LPIN1: variants seen among roughly 807,000 people sequenced by gnomAD.
LPIN1 encodes the protein phosphatidate phosphatase LPIN1.
Under a neutral mutation model 107.5 loss-of-function variants are expected in LPIN1, and 71 were observed. The observed-to-expected ratio is 0.66, with a 90% confidence interval of 0.55 to 0.80. The LOEUF (loss-of-function observed/expected upper bound fraction) is 0.80. Ranked by LOEUF, LPIN1 falls within the 30% of genes least tolerant of loss-of-function variation. LPIN1 has a pLI of 0.00. For missense variants in LPIN1, 1,043 were observed against 1,160.6 expected, an observed-to-expected ratio of 0.90 and a Z score of 1.47; for synonymous variants, 445 against 452.6, an observed-to-expected ratio of 0.98 and a Z score of 0.21.
chr2:11,797,317 C>T (rs568136348), intron 14 of LPIN1, among the ~76,000 whole-genome samples: 7 of 152,216 alleles, frequency 4.6e-5, no homozygotes, highest in Non-Finnish European at 1.0e-4. Flanking sequence ...CGGTAGACCC[C>T]GTCTCACTGG....
intron 17 of LPIN1, among the ~76,000 whole-genome samples, chr2:11,814,528 G>A (rs1323703571): frequency 6.6e-6 from 1 of 151,800 alleles, no homozygotes; most frequent in African/African-American, 2.4e-5. Flanking sequence ...GTGTGTGTGT[G>A]TGTGTGTGTG....
At chr2:11,784,574 C>T in intron 9 of LPIN1, 1 of 515,588 alleles carries the variant, frequency 1.9e-6, no homozygotes, top group Non-Finnish European at 3.3e-6. Flanking sequence ...CCCTCAGTCC[C>T]CCTGCGATCT....
chr2:11,736,991 A>T (rs1378253837), intron 1 of LPIN1, among the ~76,000 whole-genome samples: 2 of 152,238 alleles, frequency 1.3e-5, no homozygotes, highest in Non-Finnish European at 2.9e-5. Context: ...AGATGTGCTG[A>T]TCTGAAGTGT....
chr2:11,794,053 G>A (rs1055706460), intron 13 of LPIN1, among the ~76,000 whole-genome samples: 3 of 152,190 alleles, frequency 2.0e-5, no homozygotes, highest in Non-Finnish European at 4.4e-5. Context: ...AAGGGAAAAT[G>A]TTTGCTGGAA....
chr2:11,709,249 G>C (rs1245832256), intron 1 of LPIN1, among the ~76,000 whole-genome samples: 1 of 152,162 alleles, frequency 6.6e-6, no homozygotes, highest in Admixed American at 6.5e-5. Flanking sequence ...CCAAAGAAAG[G>C]GGGTATCATT....
At chr2:11,808,351 T>C (rs1336827926) in intron 17 of LPIN1, among the ~76,000 whole-genome samples, 1 of 152,172 alleles carries the variant, frequency 6.6e-6, no homozygotes, top group Admixed American at 6.5e-5. Flanking sequence ...CTGGGAGACC[T>C]GTCAGGCTAA....
At chr2:11,755,723 CTT>C (rs1297191152) in intron 1 of LPIN1, among the ~76,000 whole-genome samples, 30 of 138,182 alleles carry the variant, frequency 2.2e-4, no homozygotes, top group Admixed American at 3.6e-4. Flanking sequence ...ACACTTAGTT[CTT>C]TTTTTTTTTT....
At chr2:11,809,561 C>T (rs1241248295) in intron 17 of LPIN1, among the ~76,000 whole-genome samples, 1 of 152,212 alleles carries the variant, frequency 6.6e-6, no homozygotes, top group Non-Finnish European at 1.5e-5. Context: ...GGATTACAGG[C>T]ATGTGCCACC....
intron 2 of LPIN1, 62 bp from the exon 3 acceptor site, chr2:11,767,701 C>A: frequency 9.5e-7 from 1 of 1,048,710 alleles, no homozygotes; most frequent in African/African-American, 1.6e-5. Flanking sequence ...TGGCCGTCCC[C>A]ATGAGGTCTC....
intron 1 of LPIN1, among the ~76,000 whole-genome samples, chr2:11,758,097 A>T (rs1051630123): frequency 6.6e-6 from 1 of 152,164 alleles, no homozygotes; most frequent in Admixed American, 6.5e-5. Context: ...CATGTATCAG[A>T]ATTTCCTTTC....
intron 2 of LPIN1, among the ~76,000 whole-genome samples, chr2:11,718,689 T>C (rs1194749827): frequency 6.6e-6 from 1 of 152,248 alleles, no homozygotes; most frequent in Non-Finnish European, 1.5e-5. Flanking sequence ...TTGGTTTCTT[T>C]GTAGGTGAGC....
At chr2:11,683,172 G>A (rs1366250849) in intron 1 of LPIN1, 1 of 152,218 alleles carries the variant, frequency 6.6e-6, no homozygotes, top group African/African-American at 2.4e-5. Flanking sequence ...ACATAACTCT[G>A]CAAACTGTGG....
chr2:11,755,928 A>T (rs982867197), intron 1 of LPIN1, among the ~76,000 whole-genome samples: 1 of 152,056 alleles, frequency 6.6e-6, no homozygotes, highest in Non-Finnish European at 1.5e-5. Flanking sequence ...TCACCGTGTT[A>T]GCCAGGATGA....
chr2:11,826,354 C>G lies in LPIN1; in HGVS notation c.*1563C>G, dbSNP rs1296445040. ...TGTGGACACACAAAGGCAAACAGAT[C>G]TGCCATCGATCGCAGATTTCTGTAG... On this transcript the variant is annotated 3_prime_UTR_variant, in exon 21 of 21. Transcript: ENST00000674199. The G allele has an allele frequency of 6.6e-6, 1 of 152,538 alleles. No individual in the cohort carries two copies. Among genetic ancestry groups the G allele is most frequent in the East Asian group, 1.9e-4 (1 of 5,188 alleles). The allele number at this position is 152,538 out of a possible 1,614,324, so 9.4% of individuals were successfully genotyped here.
upstream of LPIN1, chr2:11,724,279 G>A (rs1409456535): frequency 8.7e-6 from 8 of 915,160 alleles, no homozygotes; most frequent in African/African-American, 9.0e-5. Flanking sequence ...CATAGTCCCC[G>A]TGGGGGGCAT....
At chr2:11,788,484 G>C (rs1048831547) in intron 12 of LPIN1, 28 bp downstream of exon 12, 2 of 1,565,788 alleles carry the variant, frequency 1.3e-6, no homozygotes, top group Admixed American at 3.3e-5. Flanking sequence ...AAAGAAAAGG[G>C]GATGCTAGAA....
intron 3 of LPIN1, among the ~76,000 whole-genome samples, chr2:11,770,436 C>G (rs2148631093): frequency 6.6e-6 from 1 of 152,248 alleles, no homozygotes; most frequent in South Asian, 2.1e-4. Context: ...AGCCCACGGA[C>G]AGCAAAGGGC....
At chr2:11,750,124 T>TC (rs989682280) in intron 1 of LPIN1, among the ~76,000 whole-genome samples, 2 of 151,358 alleles carry the variant, frequency 1.3e-5, no homozygotes, top group African/African-American at 4.9e-5. Flanking sequence ...CTCGCACCTC[T>TC]CCCCTTGCCC....
chr2:11,724,228 T>A (rs1225099875), upstream of LPIN1: 29 of 608,764 alleles, frequency 4.8e-5, no homozygotes, highest in Non-Finnish European at 4.9e-5. Flanking sequence ...CTCCTCTTCA[T>A]CTCTTTCTCT....
Sources: allele counts gnomAD v4.1 joint callset (sites outside exome capture counted in the v4.1 genomes callset), GRCh38; gene constraint gnomAD v4.1.1; transcripts MANE v1.5; gene names NCBI Gene and HGNC (gene_info 2026-07-23, HGNC 2026-07-21).